The following GPR107 variants were observed in gnomAD, a reference collection of about 807,000 sequenced individuals.
GPR107 encodes the protein G protein-coupled receptor 107.
A neutral mutation model predicts 75.5 loss-of-function variants in GPR107; 31 were observed. The ratio of observed to expected loss-of-function variants is 0.41; its 90% CI spans 0.31 to 0.55. The LOEUF (loss-of-function observed/expected upper bound fraction) is 0.55. Among genes scored for constraint, GPR107 ranks in the 20% least tolerant of loss-of-function variants. The probability of loss-of-function intolerance (pLI) is 0.26; values close to 1 mark genes in which losing one functional copy is unlikely to be tolerated. For synonymous variants in GPR107, 267 were observed against 251.3 expected, an observed-to-expected ratio of 1.06 and a Z score of -0.59; for missense variants, 572 against 665.7, an observed-to-expected ratio of 0.86 and a Z score of 1.55.
intron 1 of GPR107, among the ~76,000 whole-genome samples, chr9:130,059,733 C>CTTTTTT (rs61429853): frequency 6.9e-6 from 1 of 144,520 alleles, no homozygotes; most frequent in African/African-American, 2.6e-5. Flanking sequence ...GTTAATACGT[C>CTTTTTT]TTTTTTTTTT....
intron 13 of GPR107, 111 bp downstream of exon 13, chr9:130,104,661 TA>T: frequency 1.1e-6 from 1 of 894,678 alleles, no homozygotes. Flanking sequence ...TGTTTAAAAG[TA>T]CAGCTTTCTG....
chr9:130,117,771 G>C (rs1289429237), intron 14 of GPR107, among the ~76,000 whole-genome samples: 1 of 152,030 alleles, frequency 6.6e-6, no homozygotes, highest in East Asian at 1.9e-4. Flanking sequence ...GTAGGTGGGG[G>C]TGTTTTAGGC....
At chr9:130,055,527 C>A (rs1260711963) in intron 1 of GPR107, among the ~76,000 whole-genome samples, 27 of 108,028 alleles carry the variant, frequency 2.5e-4, no homozygotes, top group Admixed American at 4.5e-4. Flanking sequence ...GACTCCGTCT[C>A]AAAAAAAAAA....
intron 14 of GPR107, among the ~76,000 whole-genome samples, chr9:130,119,038 A>G (rs1422818995): frequency 6.6e-6 from 1 of 152,234 alleles, no homozygotes; most frequent in East Asian, 1.9e-4. Context: ...TCGCTCCCAC[A>G]GGAGCCCAAC....
intron 7 of GPR107, among the ~76,000 whole-genome samples, chr9:130,087,217 T>C (rs1830634131): frequency 6.6e-6 from 1 of 152,036 alleles, no homozygotes; most frequent in Non-Finnish European, 1.5e-5. Context: ...TTTAAATTTT[T>C]TGTAGAGATG....
intron 17 of GPR107, among the ~76,000 whole-genome samples, chr9:130,132,022 C>T (rs1207639602): frequency 6.6e-6 from 1 of 152,188 alleles, no homozygotes; most frequent in Non-Finnish European, 1.5e-5. Flanking sequence ...GCTGGGACCA[C>T]AGATGAATGC....
intron 1 of GPR107, among the ~76,000 whole-genome samples, chr9:130,056,052 A>C (rs551234413): frequency 6.7e-6 from 1 of 149,898 alleles, no homozygotes; most frequent in South Asian, 2.1e-4. Flanking sequence ...TATCCTGATT[A>C]AAATGGTTCA....
rs1175434744 is a variant in GPR107, at chr9:130,124,920, A to G, written c.1312A>G (p.Ile438Val). ...EASATDGKAA[I>V]NLAKLKLFRH... ...TTGTTCTTTCTTCTCTCTAGCTGCTATTAACTTAGCAAAGCTGAAACTTTT... is the reference window on the plus strand; with the variant it reads ...TTGTTCTTTCTTCTCTCTAGCTGCTGTTAACTTAGCAAAGCTGAAACTTTT... Residue 438 changes from isoleucine to valine, a missense_variant, in exon 15 of 18, where the codon ATT (isoleucine) becomes GTT (valine). Coordinates refer to ENST00000347136, the MANE Select transcript of GPR107 (RefSeq NM_020960.5). The G allele has an allele frequency of 1.9e-6, 3 of 1,551,504 alleles. No homozygotes were observed. Among genetic ancestry groups the G allele is most frequent in the African/African-American group, 1.4e-5 (1 of 72,186 alleles).
intron 14 of GPR107, among the ~76,000 whole-genome samples, chr9:130,115,324 A>G (rs921138205): frequency 6.6e-6 from 1 of 152,118 alleles, no homozygotes; most frequent in African/African-American, 2.4e-5. Flanking sequence ...CAGCCGCATG[A>G]TGTGAGACTT....
intron 14 of GPR107, chr9:130,110,524 CA>C: frequency 1.4e-6 from 1 of 726,150 alleles, no homozygotes; most frequent in East Asian, 2.7e-5. Flanking sequence ...GAAAGAGGGA[CA>C]GAGCAGATTA....
chr9:130,066,101 A>G (rs890516922), intron 1 of GPR107, among the ~76,000 whole-genome samples: 1 of 152,066 alleles, frequency 6.6e-6, no homozygotes, highest in African/African-American at 2.4e-5. Flanking sequence ...GAAGTTCAAG[A>G]CCAGCCTGGC....
chr9:130,081,581 G>C (rs1287889294), intron 5 of GPR107, among the ~76,000 whole-genome samples: 4 of 151,874 alleles, frequency 2.6e-5, no homozygotes, highest in Admixed American at 1.3e-4. Flanking sequence ...ACTGAGGCAG[G>C]AGAATTGCTT....
At chr9:130,078,859 G>T (rs183425013) in intron 4 of GPR107, among the ~76,000 whole-genome samples, 26 of 152,312 alleles carry the variant, frequency 1.7e-4, no homozygotes, top group African/African-American at 5.8e-4. Flanking sequence ...GTGGGATGGG[G>T]TAAACAAAAT....
intron 9 of GPR107, among the ~76,000 whole-genome samples, chr9:130,095,026 A>T (rs1299973574): frequency 6.6e-6 from 1 of 152,058 alleles, no homozygotes; most frequent in Non-Finnish European, 1.5e-5. Context: ...TTTCAAAGAA[A>T]GTTCTACTTT....
intron 13 of GPR107, among the ~76,000 whole-genome samples, chr9:130,106,201 C>T (rs1324703839): frequency 6.6e-6 from 1 of 152,124 alleles, no homozygotes; most frequent in Non-Finnish European, 1.5e-5. Flanking sequence ...AATTACAACA[C>T]TAATGAGCAG....
At chr9:130,054,559 A>G (rs548842045) in intron 1 of GPR107, among the ~76,000 whole-genome samples, 21 of 152,286 alleles carry the variant, frequency 1.4e-4, no homozygotes, top group African/African-American at 5.1e-4. Flanking sequence ...GACTCTAGAG[A>G]AGGAATTTCA....
chr9:130,060,802 T>G (rs1031663978), intron 1 of GPR107, among the ~76,000 whole-genome samples: 1 of 152,120 alleles, frequency 6.6e-6, no homozygotes, highest in Non-Finnish European at 1.5e-5. Context: ...ACTCTAGACT[T>G]TGTGTCAGCA....
chr9:130,102,057 A>ATTTGATGCT (rs1373842354), intron 12 of GPR107, among the ~76,000 whole-genome samples: 4 of 152,154 alleles, frequency 2.6e-5, no homozygotes, highest in Non-Finnish European at 5.9e-5. Context: ...AATGAATGGG[A>ATTTGATGCT]CAGGCCAGTT....
rs1175354138 is a variant in GPR107 at position 130,119,272 on chromosome 9, G to A, written c.1307-5643G>A. Among the ~76,000 whole-genome samples, 3 of 152,334 alleles carry A rather than the reference G, an allele frequency of 2.0e-5. No individual in the cohort carries two copies. In the East Asian group the frequency reaches 5.8e-4, roughly 29 times the overall value. On this transcript the variant is annotated intron_variant, in intron 14 of 17. Coordinates refer to ENST00000347136, the MANE Select transcript of GPR107 (RefSeq NM_020960.5). Reference sequence around the variant, plus strand: ...GCAGCGCTGCTTGCAGGAGAGCCCAGGCGCCCTGGCAGCCCCCAGGTCCCC... The same window carrying A: ...GCAGCGCTGCTTGCAGGAGAGCCCAAGCGCCCTGGCAGCCCCCAGGTCCCC...
Sources: gnomAD v4.1 joint callset for allele counts (sites outside exome capture counted in the v4.1 genomes callset) on GRCh38, gnomAD v4.1.1 for gene constraint, MANE v1.5 for transcripts, NCBI Gene and HGNC (gene_info 2026-07-23, HGNC 2026-07-21) for gene names.